RBP2: variants seen among roughly 807,000 people sequenced by gnomAD.
The protein encoded by RBP2 is retinol binding protein 2.
A neutral mutation model predicts 17.0 loss-of-function variants in RBP2; 17 were observed. The ratio of observed to expected loss-of-function variants is 1.00; its 90% CI spans 0.68 to 1.50. The LOEUF is 1.50. Ranked by LOEUF, RBP2 falls within the 40% of genes most tolerant of loss-of-function variation. RBP2 has a pLI of 0.00. For missense variants in RBP2, 158 were observed against 168.2 expected, an observed-to-expected ratio of 0.94 and a Z score of 0.33; for synonymous variants, 48 against 57.1, an observed-to-expected ratio of 0.84 and a Z score of 0.72.
chr3:139,475,685 C>A (rs1933716048), intron 1 of RBP2, among the ~76,000 whole-genome samples: 1 of 152,150 alleles, frequency 6.6e-6, no homozygotes, highest in Non-Finnish European at 1.5e-5. Context: ...AGCACAGGAG[C>A]CACCCAGTAA....
intron 2 of RBP2, among the ~76,000 whole-genome samples, chr3:139,461,271 G>A (rs1355326266): frequency 6.6e-6 from 1 of 152,096 alleles, no homozygotes; most frequent in African/African-American, 2.4e-5. Flanking sequence ...AGCTCCTGTG[G>A]GCAAGAGCCT....
intron 2 of RBP2, among the ~76,000 whole-genome samples, chr3:139,461,113 A>G (rs1237720967): frequency 6.6e-6 from 1 of 152,190 alleles, no homozygotes; most frequent in East Asian, 1.9e-4. Flanking sequence ...TTGGAAAATC[A>G]AAAACAGGCA....
intron 1 of RBP2, among the ~76,000 whole-genome samples, chr3:139,471,012 C>T (rs1022442845): frequency 2.0e-5 from 3 of 152,138 alleles, no homozygotes; most frequent in Admixed American, 6.5e-5. Flanking sequence ...ACCCATCACA[C>T]GCCACTCCAT....
Position 139,454,602 on chromosome 3 carries a change from A to G in RBP2, c.354+127T>C, listed in dbSNP as rs1047118916. On this transcript the variant is annotated intron_variant, in intron 3 of 3. Coordinates refer to ENST00000232217, the MANE Select transcript of RBP2 (RefSeq NM_004164.3). The stretch of plus-strand genomic sequence containing the variant: ...GGAATGGCTTTCTGACTATATGACC[A>G]CATGCATTTGGCTGGAGCTCGGGGT... 28 of 787,712 alleles carry G rather than the reference A, an allele frequency of 3.6e-5. No homozygotes were observed. The African/African-American group carries it at 4.6e-4, about 13-fold the overall frequency. The allele number at this position is 787,712 out of a possible 1,614,324, so 48.8% of individuals were successfully genotyped here.
chr3:139,469,693 C>CTATCTATCTATG, intron 1 of RBP2, among the ~76,000 whole-genome samples: 1 of 140,300 alleles, frequency 7.1e-6, no homozygotes, highest in Non-Finnish European at 1.5e-5. Flanking sequence ...GTCTGTCTAT[C>CTATCTATCTATG]TATCTATCTA....
intron 1 of RBP2, among the ~76,000 whole-genome samples, chr3:139,474,687 G>A (rs780262947): frequency 3.1e-4 from 47 of 152,170 alleles, no homozygotes; most frequent in Admixed American, 2.3e-3. Context: ...TGAGGAAACC[G>A]AGGTTCCAAA....
At chr3:139,458,995 G>A (rs1464439533) in intron 2 of RBP2, among the ~76,000 whole-genome samples, 2 of 152,122 alleles carry the variant, frequency 1.3e-5, no homozygotes, top group Non-Finnish European at 2.9e-5. Flanking sequence ...GAGGAGAATT[G>A]ACTCTGTGAT....
intron 3 of RBP2, 60 bp downstream of exon 3, chr3:139,454,669 G>A (rs1943364662): frequency 3.9e-6 from 6 of 1,532,002 alleles, no homozygotes; most frequent in Non-Finnish European, 5.4e-6. Flanking sequence ...ACCTGGCTAG[G>A]TGACCACAGT....
At position 139,462,130 on chromosome 3, in the gene RBP2, C is replaced by T; in HGVS notation, c.234G>A (p.Leu78=). The change falls in exon 2 of 4, where the codon CTG becomes CTA. Residue 78 remains leucine, a synonymous_variant. Coordinates refer to ENST00000232217, the MANE Select transcript of RBP2 (RefSeq NM_004164.3). ...GVEFDEYTKS[L]DNRHVKALVT... is the part of the protein sequence containing the mutation. Reference sequence around the variant, plus strand: ...TCAGTACCTTAACATGCCGGTTATCCAGGCTCTTTGTGTACTCGTCAAACT... The same window carrying T: ...TCAGTACCTTAACATGCCGGTTATCTAGGCTCTTTGTGTACTCGTCAAACT... 1 of 1,614,090 alleles carries T rather than the reference C, an allele frequency of 6.2e-7. No homozygotes were observed. The highest frequency in any genetic ancestry group is 8.5e-7 in the Non-Finnish European group (1 of 1,180,010).
chr3:139,474,950 CCT>C (rs1933683836), intron 1 of RBP2, among the ~76,000 whole-genome samples: 1 of 152,050 alleles, frequency 6.6e-6, no homozygotes, highest in African/African-American at 2.4e-5. Context: ...CTTTCTTCCT[CCT>C]CCCAACTATA....
chr3:139,461,971 C>T, intron 2 of RBP2, 141 bp downstream of exon 2: 2 of 817,734 alleles, frequency 2.4e-6, no homozygotes. Context: ...TTGCTCATTG[C>T]CAGCATGATT....
chr3:139,453,252 G>A, intron 3 of RBP2, 86 bp from the exon 4 acceptor site: 1 of 1,484,754 alleles, frequency 6.7e-7, no homozygotes, highest in Non-Finnish European at 9.4e-7. Flanking sequence ...CTGGGGGTGG[G>A]AGGTTGGAAT....
chr3:139,469,687 G>GTCTGTCTGTCTGTCTATCTATCTATCTA (rs1432677359), intron 1 of RBP2, among the ~76,000 whole-genome samples: 18 of 132,864 alleles, frequency 1.4e-4, no homozygotes, highest in Non-Finnish European at 2.7e-4. Flanking sequence ...CTGTCTGTCT[G>GTCTGTCTGTCTGTCTATCTATCTATCTA]TCTATCTATC....
In RBP2 at chr3:139,476,495, G is replaced by C; in HGVS notation, c.-36C>G. ...ACTGGTTCGGTGAGGGTTTGTGGTG[G>C]ATGGCAAGGAGCAGGCTGCAGGGAG... On this transcript the variant is annotated 5_prime_UTR_variant, in exon 1 of 4. In the 5' UTR this introduces an upstream ATG that the reference lacks. Coordinates refer to ENST00000232217, the MANE Select transcript of RBP2 (RefSeq NM_004164.3). 1 of 1,590,084 alleles carries C rather than the reference G, an allele frequency of 6.3e-7. No homozygotes were observed.
intron 1 of RBP2, among the ~76,000 whole-genome samples, chr3:139,462,886 T>G (rs1243494200): frequency 3.9e-5 from 6 of 152,146 alleles, no homozygotes; most frequent in Non-Finnish European, 8.8e-5. Context: ...CAGGCTGGAG[T>G]GCAGTGACAT....
chr3:139,469,951 A>G (rs148126732), intron 1 of RBP2, among the ~76,000 whole-genome samples: 7 of 152,308 alleles, frequency 4.6e-5, no homozygotes, highest in Admixed American at 3.9e-4. Context: ...CTTAGGCTCC[A>G]TCATTTCCTA....
At chr3:139,471,838 T>G (rs1576428303) in intron 1 of RBP2, among the ~76,000 whole-genome samples, 1 of 152,164 alleles carries the variant, frequency 6.6e-6, no homozygotes, top group Non-Finnish European at 1.5e-5. Context: ...ACCTCTTTAG[T>G]TCTCTGACAG....
chr3:139,465,875 C>T (rs1243735855), intron 1 of RBP2, among the ~76,000 whole-genome samples: 2 of 152,118 alleles, frequency 1.3e-5, no homozygotes, highest in African/African-American at 4.8e-5. Context: ...TGGAATTGTA[C>T]GTGAGCACGT....
At chr3:139,458,842 T>A (rs1388998660) in intron 2 of RBP2, among the ~76,000 whole-genome samples, 10 of 152,226 alleles carry the variant, frequency 6.6e-5, no homozygotes, top group Admixed American at 6.5e-4. Context: ...CAATTGCTTA[T>A]TTTTAATTTT....
Sources: allele counts gnomAD v4.1 joint callset (sites outside exome capture counted in the v4.1 genomes callset), GRCh38; gene constraint gnomAD v4.1.1; transcripts MANE v1.5; gene names NCBI Gene and HGNC (gene_info 2026-07-23, HGNC 2026-07-21).